Variants in XPO5 observed in about 807,000 individuals in gnomAD.
XPO5 encodes exportin-5.
Under a neutral mutation model 160.6 loss-of-function variants are expected in XPO5, and 46 were observed. The ratio of observed to expected loss-of-function variants is 0.29; its 90% CI spans 0.23 to 0.37. The LOEUF (loss-of-function observed/expected upper bound fraction) is 0.37. Among genes scored for constraint, XPO5 ranks in the 10% least tolerant of loss-of-function variants. XPO5 has a pLI of 1.00. For synonymous variants in XPO5, 537 were observed against 519.3 expected (o/e 1.03, Z -0.46); for missense variants, 1,090 against 1,463.9 (o/e 0.74, Z 4.17).
At chr6:43,539,124 G>C (rs1323256345) in intron 20 of XPO5, 45 of 1,210,080 alleles carry the variant, frequency 3.7e-5, no homozygotes, top group Non-Finnish European at 5.0e-5. Flanking sequence ...GGGATGAGGC[G>C]CACCAGCACA....
chr6:43,547,893 T>C (rs1217231340), intron 18 of XPO5, among the ~76,000 whole-genome samples, 186 bp from the exon 19 acceptor site: 2 of 152,200 alleles, frequency 1.3e-5, no homozygotes, highest in Non-Finnish European at 2.9e-5. Context: ...TCCCAAATAT[T>C]ATTAGTAACA....
intron 5 of XPO5, among the ~76,000 whole-genome samples, chr6:43,569,299 A>C (rs1362446647): frequency 6.6e-6 from 1 of 151,550 alleles, no homozygotes; most frequent in Non-Finnish European, 1.5e-5. Flanking sequence ...TCTCAAAAAA[A>C]AAAAAACAAC....
At chr6:43,572,980 C>T (rs1244240838) in intron 2 of XPO5, among the ~76,000 whole-genome samples, 1 of 152,172 alleles carries the variant, frequency 6.6e-6, no homozygotes, top group Admixed American at 6.5e-5. Context: ...AAAACTATGG[C>T]TAAGTCTTAA....
At chr6:43,572,462 CTA>C in intron 3 of XPO5, 42 bp downstream of exon 3, 2 of 1,603,258 alleles carry the variant, frequency 1.2e-6, no homozygotes, top group Non-Finnish European at 1.7e-6. Context: ...CACGCTTTGC[CTA>C]AACTACCTTG....
Position 43,560,065 on chromosome 6 carries a change from C to T in XPO5, c.1221+113G>A, listed in dbSNP as rs1041328649. ...AACTCCTGGGCTCAAGCGATCCTCC[C>T]GCCTCAGCCTTCCATAGAGCTGGGA... On this transcript the variant is annotated intron_variant, in intron 11 of 31. Transcript: ENST00000265351. 41 of 1,327,982 alleles carry T rather than the reference C, an allele frequency of 3.1e-5. 1 individual carries two copies. The South Asian group carries it at 5.0e-4, about 16-fold the overall frequency. 82.3% of individuals were successfully genotyped at this position (1,327,982 alleles called of 1,614,324 possible). A position where few individuals can be genotyped will look rare whatever the true frequency, so the allele number is the denominator to read the frequency against.
At chr6:43,528,243 G>A in intron 24 of XPO5, 38 bp from the exon 25 acceptor site, 1 of 1,553,002 alleles carries the variant, frequency 6.4e-7, no homozygotes, top group Non-Finnish European at 8.7e-7. Flanking sequence ...TAGAATTGGG[G>A]AAAGGATTGG....
intron 20 of XPO5, 149 bp downstream of exon 20, chr6:43,546,421 TA>T: frequency 2.7e-6 from 2 of 730,362 alleles, no homozygotes; most frequent in Non-Finnish European, 3.9e-6. Flanking sequence ...TTATTTTTTT[TA>T]AAACTGAGAC....
chr6:43,534,262 C>T (rs569420184), intron 20 of XPO5, among the ~76,000 whole-genome samples: 1 of 152,326 alleles, frequency 6.6e-6, no homozygotes, highest in Non-Finnish European at 1.5e-5. Context: ...AGGACAGTAT[C>T]AGAGTCCAAA....
intron 5 of XPO5, among the ~76,000 whole-genome samples, 162 bp from the exon 6 acceptor site, chr6:43,568,899 T>G (rs969880301): frequency 6.6e-6 from 1 of 152,204 alleles, no homozygotes; most frequent in African/African-American, 2.4e-5. Context: ...TAACTGATAT[T>G]CCCCTAGGGA....
chr6:43,532,809 A>C (rs1794065849), intron 21 of XPO5, among the ~76,000 whole-genome samples: 1 of 152,188 alleles, frequency 6.6e-6, no homozygotes, highest in Non-Finnish European at 1.5e-5. Context: ...TTTCATGCTT[A>C]TTTTCAATGG....
intron 17 of XPO5, among the ~76,000 whole-genome samples, chr6:43,549,065 GTTTA>G (rs537282302): frequency 1.4e-4 from 22 of 152,036 alleles, no homozygotes; most frequent in Non-Finnish European, 2.6e-4. Flanking sequence ...ATTCAAGAAT[GTTTA>G]TTTATTTATT....
rs774794410 is a variant in XPO5, at chr6:43,553,510, AACACACACACACACAT to A, written c.1442-23_1442-8del. The A allele has an allele frequency of 3.5e-5, 52 of 1,503,426 alleles. No individual in the cohort carries two copies. The highest frequency in any genetic ancestry group is 2.1e-4 in the South Asian group (17 of 80,650). The allele number at this position is 1,503,426 out of a possible 1,614,324, so 93.1% of individuals were successfully genotyped here. Reference sequence around the variant, plus strand: ...GTTCCAACTGCAGAACAAGCTTTAAAACACACACACACACATACACACACACACACACACACACAAT... The same window carrying A: ...GTTCCAACTGCAGAACAAGCTTTAAAACACACACACACACACACACACAAT... On this transcript the variant is annotated splice_polypyrimidine_tract_variant and splice_region_variant and intron_variant, in intron 13 of 31. Coordinates refer to ENST00000265351, the MANE Select transcript of XPO5 (RefSeq NM_020750.3).
At chr6:43,574,842 A>G (rs1201785602) in intron 1 of XPO5, among the ~76,000 whole-genome samples, 1 of 152,138 alleles carries the variant, frequency 6.6e-6, no homozygotes, top group East Asian at 1.9e-4. Context: ...AAACCAAACT[A>G]ATGGAACCCA....
intron 1 of XPO5, among the ~76,000 whole-genome samples, chr6:43,575,026 G>A (rs546831335): frequency 2.2e-4 from 34 of 152,220 alleles, no homozygotes; most frequent in African/African-American, 7.9e-4. Flanking sequence ...GGGCAAGTAA[G>A]CTTGAATTGT....
At position 43,538,139 on chromosome 6, in the gene XPO5, CTTTTTTTTTTT is replaced by C. The variant is rs1160662301; in HGVS notation, c.2343-4143_2343-4133del. Among the ~76,000 whole-genome samples, 41 of 48,944 alleles carry C rather than the reference CTTTTTTTTTTT, an allele frequency of 8.4e-4. 1 individual carries two copies. The highest frequency in any genetic ancestry group is 4.9e-3 in the Admixed American group (12 of 2,458). 32.1% of individuals were successfully genotyped at this position (48,944 alleles called of 152,430 possible). On this transcript the variant is annotated intron_variant, in intron 20 of 31. Coordinates refer to ENST00000265351, the MANE Select transcript of XPO5 (RefSeq NM_020750.3). ...TATAAATTTAGAGCCTAAGAGACAT[CTTTTTTTTTTT>C]TTTTTTTTTTTTTTTTTGAAACAGA... is the stretch of plus-strand genomic sequence containing the variant.
At chr6:43,552,414 G>A (rs1225055024) in intron 14 of XPO5, among the ~76,000 whole-genome samples, 1 of 150,948 alleles carries the variant, frequency 6.6e-6, no homozygotes, top group Non-Finnish European at 1.5e-5. Flanking sequence ...GTGCACTGGC[G>A]TGATTTTGGC....
At chr6:43,527,366 G>T in intron 26 of XPO5, 1 of 289,076 alleles carries the variant, frequency 3.5e-6, no homozygotes, top group Admixed American at 4.8e-5. Context: ...CCGCCTCCCG[G>T]GTTCAAGCGA....
chr6:43,529,255 A>G (rs753440027), intron 23 of XPO5: 1 of 1,373,576 alleles, frequency 7.3e-7, no homozygotes, highest in Non-Finnish European at 9.7e-7. Flanking sequence ...TCAGGTAAGA[A>G]AGATTTGCTG....
chr6:43,547,930 C>G (rs1795040987), intron 18 of XPO5, among the ~76,000 whole-genome samples: 2 of 152,146 alleles, frequency 1.3e-5, no homozygotes, highest in Admixed American at 1.3e-4. Context: ...AGAATATAAT[C>G]TTCAAAATAT....
Sources: gnomAD v4.1 joint callset for allele counts (sites outside exome capture counted in the v4.1 genomes callset) on GRCh38, gnomAD v4.1.1 for gene constraint, MANE v1.5 for transcripts, NCBI Gene and HGNC (gene_info 2026-07-23, HGNC 2026-07-21) for gene names.